The following CORO1C variants were observed in gnomAD, a reference collection of about 807,000 sequenced individuals.
The protein encoded by CORO1C is coronin-1C.
A neutral mutation model predicts 51.2 loss-of-function variants in CORO1C; 14 were observed. The ratio of observed to expected loss-of-function variants is 0.27; its 90% CI spans 0.18 to 0.43. CORO1C has a LOEUF of 0.43. Among genes scored for constraint, CORO1C ranks in the 20% least tolerant of loss-of-function variants. The probability of loss-of-function intolerance (pLI) is 1.00; values close to 1 mark genes in which losing one functional copy is unlikely to be tolerated. For missense variants in CORO1C, 417 were observed against 607.8 expected (o/e 0.69, Z 3.30); for synonymous variants, 181 against 210.5 (o/e 0.86, Z 1.21).
At chr12:108,692,750 C>T (rs1331179164) in intron 2 of CORO1C, among the ~76,000 whole-genome samples, 1 of 151,686 alleles carries the variant, frequency 6.6e-6, no homozygotes, top group East Asian at 1.9e-4. Flanking sequence ...ACTCTCTAAT[C>T]CCAGAGAAAG....
chr12:108,649,141 C>T, intron 8 of CORO1C, 121 bp from the exon 9 acceptor site: 2 of 1,108,018 alleles, frequency 1.8e-6, no homozygotes, highest in Non-Finnish European at 2.7e-6. Context: ...CCCATCCCCA[C>T]ATCTGATCCA....
chr12:108,669,437 C>G, intron 3 of CORO1C, among the ~76,000 whole-genome samples: 1 of 152,072 alleles, frequency 6.6e-6, no homozygotes, highest in East Asian at 1.9e-4. Flanking sequence ...ACGTTTACAG[C>G]TTCCTTTTGA....
At chr12:108,718,054 T>C (rs144144633) in intron 1 of CORO1C, among the ~76,000 whole-genome samples, 328 of 151,378 alleles carry the variant, frequency 2.2e-3, no homozygotes, top group Non-Finnish European at 3.6e-3. Flanking sequence ...CCCATCTCTA[T>C]TAAAAATACA....
Position 108,701,110 on chromosome 12 carries a change from A to G in CORO1C, c.195+14T>C, listed in dbSNP as rs1314089590. Reference sequence around the variant, plus strand: ...CAGAGGGTGTCTACCAGAATGGAAGATCAAATTACCTACCTTGTGCAGAGG... The same window carrying G: ...CAGAGGGTGTCTACCAGAATGGAAGGTCAAATTACCTACCTTGTGCAGAGG... On this transcript the variant is annotated intron_variant, in intron 2 of 10. Transcript: ENST00000261401. 1 of 1,613,830 alleles carries G rather than the reference A, an allele frequency of 6.2e-7. No homozygotes were observed. Among genetic ancestry groups the G allele is most frequent in the Non-Finnish European group, 8.5e-7 (1 of 1,179,820 alleles).
chr12:108,700,171 G>A lies in CORO1C; in HGVS notation c.195+953C>T, dbSNP rs369335205. On this transcript the variant is annotated intron_variant, in intron 2 of 10. Coordinates refer to ENST00000261401, the MANE Select transcript of CORO1C (RefSeq NM_014325.4). The stretch of plus-strand genomic sequence containing the variant: ...GAAACAGCGGGGATCCACTTCCCCC[G>A]CTGTTTTCAGCAGAGTGGAAACAGC... 5.3e-5 allele frequency among the ~76,000 whole-genome samples: 8 copies of A among 152,108 alleles called. No homozygotes were observed. In the East Asian group the frequency reaches 5.8e-4, roughly 11 times the overall value.
At chr12:108,678,444 G>A (rs200939076) in intron 2 of CORO1C, 50 bp from the exon 3 acceptor site, 2,671 of 1,410,678 alleles carry the variant, frequency 1.9e-3, no homozygotes, top group Non-Finnish European at 2.4e-3. Flanking sequence ...CACCACAGAC[G>A]TTATACATTT....
intron 1 of CORO1C, among the ~76,000 whole-genome samples, chr12:108,706,100 T>C (rs1325842275): frequency 2.0e-5 from 3 of 151,350 alleles, no homozygotes; most frequent in Admixed American, 6.6e-5. Flanking sequence ...GGCAGGAGAA[T>C]TGCTTGAACC....
At chr12:108,649,974 C>CAG (rs2032565736) in intron 8 of CORO1C, among the ~76,000 whole-genome samples, 1 of 152,154 alleles carries the variant, frequency 6.6e-6, no homozygotes, top group Non-Finnish European at 1.5e-5. Flanking sequence ...AACCTGCAGC[C>CAG]TTTGGCATCT....
At position 108,648,789 on chromosome 12, in the gene CORO1C, G is replaced by A; in HGVS notation, c.1121C>T (p.Ala374Val). Residue 374 changes from alanine (A) to valine (V), a missense_variant, in exon 10 of 11, where the codon GCA (alanine) becomes GTA (valine). Transcript: ENST00000261401. Reference sequence around the variant, plus strand: ...ATTCTTGCCTTCGAACCACTCTTCTGCCTCCAGCGCGGCCTCTGGCCCCGC... The same window carrying A: ...ATTCTTGCCTTCGAACCACTCTTCTACCTCCAGCGCGGCCTCTGGCCCCGC... Reference protein sequence around the residue: ...DTAGPEAALEAEEWFEGKNAD... With the variant: ...DTAGPEAALEVEEWFEGKNAD... The A allele has an allele frequency of 1.2e-6, 2 of 1,614,216 alleles. No homozygotes were observed. The highest frequency in any genetic ancestry group is 2.2e-5 in the East Asian group (1 of 44,886).
rs527532294 is a variant in CORO1C at position 108,709,807 on chromosome 12, G to A, written c.-5-8484C>T. 7.2e-5 allele frequency among the ~76,000 whole-genome samples: 11 copies of A among 152,290 alleles called. No homozygotes were observed. In the South Asian group the frequency reaches 2.3e-3, roughly 32 times the overall value. On this transcript the variant is annotated intron_variant, in intron 1 of 10. Coordinates refer to ENST00000261401, the MANE Select transcript of CORO1C (RefSeq NM_014325.4). ...GGAAATACTAGGTATGATTTTAAAT[G>A]TCCTGTCAGAGAGTGGTTCAACTTT... is the stretch of plus-strand genomic sequence containing the variant.
intron 1 of CORO1C, among the ~76,000 whole-genome samples, chr12:108,723,332 A>G (rs955353278): frequency 5.9e-5 from 9 of 152,358 alleles, no homozygotes; most frequent in Non-Finnish European, 8.8e-5. Context: ...ATCTTTAACT[A>G]GGAAAGAATG....
chr12:108,701,057 T>C lies in CORO1C; in HGVS notation c.195+67A>G, dbSNP rs2034851954. On this transcript the variant is annotated intron_variant, in intron 2 of 10. Transcript: ENST00000261401. ...AATACAATTCTTAGTGAACTGTCAA[T>C]CTATTAAGGAAAAAGTATGGAGACT... 5.2e-6 allele frequency: 8 copies of C among 1,525,092 alleles called. No homozygotes were observed. The South Asian group carries it at 6.8e-5, about 13-fold the overall frequency. The allele number at this position is 1,525,092 out of a possible 1,614,324, so 94.5% of individuals were successfully genotyped here. A position where few individuals can be genotyped will look rare whatever the true frequency, so the allele number is the denominator to read the frequency against.
chr12:108,708,555 A>G (rs903120599), intron 1 of CORO1C, among the ~76,000 whole-genome samples: 4 of 150,094 alleles, frequency 2.7e-5, no homozygotes, highest in African/African-American at 9.8e-5. Flanking sequence ...TCTGCCTCCC[A>G]GGTTCAAGCA....
At chr12:108,700,856 T>C (rs2034843746) in intron 2 of CORO1C, 3 of 327,290 alleles carry the variant, frequency 9.2e-6, no homozygotes, top group Non-Finnish European at 1.7e-5. Context: ...AATCTTAAAA[T>C]TCCTATGCCT....
chr12:108,698,929 T>C (rs993406844), intron 2 of CORO1C, among the ~76,000 whole-genome samples: 1 of 152,224 alleles, frequency 6.6e-6, no homozygotes, highest in African/African-American at 2.4e-5. Context: ...ATAGTACTCA[T>C]GAACCTATCG....
chr12:108,705,459 C>CAA (rs1163703701), intron 1 of CORO1C, among the ~76,000 whole-genome samples: 14,970 of 63,094 alleles, frequency 0.24, 2,607 homozygotes, highest in East Asian at 0.63. Context: ...GACCCTGTCT[C>CAA]AAAAAAAAAA....
At chr12:108,728,996 A>G (rs975172750) in intron 1 of CORO1C, among the ~76,000 whole-genome samples, 1 of 152,210 alleles carries the variant, frequency 6.6e-6, no homozygotes, top group Non-Finnish European at 1.5e-5. Flanking sequence ...GGTCAAAGGT[A>G]AAACAGACCA....
At chr12:108,648,199 G>C (rs1005900220) in intron 10 of CORO1C, among the ~76,000 whole-genome samples, 2 of 151,974 alleles carry the variant, frequency 1.3e-5, no homozygotes, top group African/African-American at 4.8e-5. Context: ...CTCCTTCCAG[G>C]GACCTCCTCT....
chr12:108,728,679 A>C (rs7136703), intron 1 of CORO1C, among the ~76,000 whole-genome samples: 84,550 of 152,036 alleles, frequency 0.56, 24,382 homozygotes, highest in East Asian at 0.99. Context: ...AGGAGTACAG[A>C]ATCTTGTTCA....
Sources: allele counts gnomAD v4.1 joint callset (sites outside exome capture counted in the v4.1 genomes callset), GRCh38; gene constraint gnomAD v4.1.1; transcripts MANE v1.5; gene names NCBI Gene and HGNC (gene_info 2026-07-23, HGNC 2026-07-21).